The following NPAS2 variants were observed in gnomAD, a reference collection of about 807,000 sequenced individuals.
NPAS2 encodes the protein neuronal PAS domain protein 2.
NPAS2 carries 23 observed loss-of-function variants against 107.5 expected under a neutral mutation model. That is an observed-to-expected ratio of 0.21 (90% CI 0.15 to 0.30). NPAS2 has a LOEUF of 0.30. Ranked by LOEUF, NPAS2 falls within the 10% of genes least tolerant of loss-of-function variation. The pLI is 1.00. For synonymous variants in NPAS2, 403 were observed against 417.5 expected, an observed-to-expected ratio of 0.97 and a Z score of 0.42; for missense variants, 756 against 1,043.3, an observed-to-expected ratio of 0.72 and a Z score of 3.79.
At chr2:100,900,855 TTCCCC>T (rs1231660918) in intron 1 of NPAS2, among the ~76,000 whole-genome samples, 2 of 152,126 alleles carry the variant, frequency 1.3e-5, no homozygotes, top group Non-Finnish European at 1.5e-5. Context: ...TTCTTTTCTT[TTCCCC>T]TCCCCTCCCC....
chr2:100,859,120 C>T (rs1678773856), intron 1 of NPAS2, among the ~76,000 whole-genome samples: 1 of 152,264 alleles, frequency 6.6e-6, no homozygotes, highest in South Asian at 2.1e-4. Context: ...CAAAATTAGC[C>T]GGGCATGGTA....
At chr2:100,886,879 C>T (rs1680732405) in intron 1 of NPAS2, among the ~76,000 whole-genome samples, 1 of 152,156 alleles carries the variant, frequency 6.6e-6, no homozygotes, top group Admixed American at 6.5e-5. Context: ...CAGACAAGGT[C>T]GTTTCCTGGA....
intron 1 of NPAS2, among the ~76,000 whole-genome samples, chr2:100,841,860 C>CTGT: frequency 6.6e-6 from 1 of 152,236 alleles, no homozygotes; most frequent in East Asian, 1.9e-4. Context: ...ACAGCGTATA[C>CTGT]ACATGCACAT....
chr2:100,952,190 T>C (rs1220896576), intron 7 of NPAS2, among the ~76,000 whole-genome samples: 1 of 147,870 alleles, frequency 6.8e-6, no homozygotes, highest in Admixed American at 6.8e-5. Context: ...TTGGCCATAA[T>C]GGCAGCTACT....
At chr2:100,936,410 G>A (rs182970489) in intron 4 of NPAS2, among the ~76,000 whole-genome samples, 1 of 152,278 alleles carries the variant, frequency 6.6e-6, no homozygotes, top group Non-Finnish European at 1.5e-5. Flanking sequence ...CAGATTCGGG[G>A]AAGATAGTCA....
intron 1 of NPAS2, among the ~76,000 whole-genome samples, chr2:100,848,665 A>G (rs10211591): frequency 5.5e-4 from 84 of 152,334 alleles, no homozygotes; most frequent in African/African-American, 1.9e-3. Flanking sequence ...GTTTGAGAGC[A>G]TTACTTGCAC....
intron 1 of NPAS2, among the ~76,000 whole-genome samples, chr2:100,890,217 A>C (rs1680962655): frequency 6.6e-6 from 1 of 152,178 alleles, no homozygotes; most frequent in Non-Finnish European, 1.5e-5. Context: ...TCTGCAAGGC[A>C]TGTTGGTCCC....
intron 3 of NPAS2, among the ~76,000 whole-genome samples, chr2:100,926,483 A>G (rs1341011792): frequency 6.6e-6 from 1 of 152,148 alleles, no homozygotes; most frequent in Admixed American, 6.6e-5. Context: ...TAATCTCCCT[A>G]GTGGGTATGA....
intron 5 of NPAS2, 88 bp from the exon 6 acceptor site, chr2:100,948,147 G>A: frequency 6.9e-7 from 1 of 1,440,182 alleles, no homozygotes; most frequent in East Asian, 2.3e-5. Context: ...AACCAGTTCT[G>A]CGTTGTTGTG....
chr2:100,865,689 G>C (rs1679207937), intron 1 of NPAS2, among the ~76,000 whole-genome samples: 1 of 152,130 alleles, frequency 6.6e-6, no homozygotes, highest in Admixed American at 6.5e-5. Context: ...AGTGCCTGGT[G>C]TTACTGACTG....
At position 100,968,372 on chromosome 2, in the gene NPAS2, C is replaced by G; in HGVS notation, c.999C>G (p.Thr333=). 6.2e-7 allele frequency: 1 copy of G among 1,614,116 alleles called. No homozygotes were observed. Among genetic ancestry groups the G allele is most frequent in the Non-Finnish European group, 8.5e-7 (1 of 1,180,004 alleles). Residue 333 remains threonine (T), a synonymous_variant, in exon 11 of 21, where the codon ACC becomes ACG. Transcript: ENST00000335681. This position sits in a 1 kb window ranked among gnomAD's most constrained non-coding sequence, Gnocchi z 5.3. Reference sequence around the variant, plus strand: ...GGCTGCAGACTCACTACTACATCACCTACCATCAGTGGAACTCCAAGCCCG... The same window carrying G: ...GGCTGCAGACTCACTACTACATCACGTACCATCAGTGGAACTCCAAGCCCG... The part of the protein sequence containing the change: ...WIWLQTHYYI[T]YHQWNSKPEF...
At chr2:100,900,020 A>T (rs761940776) in intron 1 of NPAS2, among the ~76,000 whole-genome samples, 1 of 152,212 alleles carries the variant, frequency 6.6e-6, no homozygotes, top group East Asian at 1.9e-4. Flanking sequence ...AAAACATAGG[A>T]TAATTCTTCA....
chr2:100,819,206 T>G (rs1675899926), upstream of NPAS2, among the ~76,000 whole-genome samples: 1 of 150,946 alleles, frequency 6.6e-6, no homozygotes, highest in African/African-American at 2.4e-5. This position sits in a 1 kb window ranked among gnomAD's most constrained non-coding sequence, Gnocchi z 5.8. Flanking sequence ...GTGGAACATT[T>G]CCTGCACTGG....
intron 1 of NPAS2, among the ~76,000 whole-genome samples, chr2:100,841,720 T>C (rs1048397745): frequency 6.6e-6 from 1 of 152,082 alleles, no homozygotes; most frequent in Non-Finnish European, 1.5e-5. Flanking sequence ...TATACAAACA[T>C]GCATATACAC....
chr2:100,964,515 T>A (rs1188468648), intron 8 of NPAS2, among the ~76,000 whole-genome samples: 2 of 152,224 alleles, frequency 1.3e-5, no homozygotes, highest in Non-Finnish European at 2.9e-5. Flanking sequence ...TTGTCTGCCT[T>A]CTCTCATCTG....
At chr2:100,875,188 G>A (rs1238286393) in intron 1 of NPAS2, among the ~76,000 whole-genome samples, 1 of 152,120 alleles carries the variant, frequency 6.6e-6, no homozygotes, top group African/African-American at 2.4e-5. Context: ...GTCACAGAAG[G>A]ACAAATGCTG....
intron 7 of NPAS2, among the ~76,000 whole-genome samples, chr2:100,957,338 C>T (rs756475396): frequency 6.6e-6 from 1 of 152,220 alleles, no homozygotes; most frequent in Non-Finnish European, 1.5e-5. Flanking sequence ...CTGGACCTGG[C>T]CAGCCAGCAG....
intron 1 of NPAS2, among the ~76,000 whole-genome samples, chr2:100,851,657 C>T (rs895221438): frequency 2.6e-5 from 4 of 152,218 alleles, no homozygotes; most frequent in African/African-American, 2.4e-5. Context: ...GAGTGACATG[C>T]GGAAATGCAT....
Position 100,925,270 on chromosome 2 carries a change from A to G in NPAS2, c.157A>G (p.Ile53Val), listed in dbSNP as rs1683485781. ...CAAAACCACCGTGTTGGAAAAGGTC[A>G]TCGGATTTTTGCAGAAACACAATGG... ...MDKTTVLEKV[I>V]GFLQKHNEVS... The change falls in exon 3 of 21, where the codon ATC (isoleucine) becomes GTC (valine). Residue 53 changes from isoleucine to valine, a missense_variant. Coordinates refer to ENST00000335681, the MANE Select transcript of NPAS2 (RefSeq NM_002518.4). The G allele has an allele frequency of 1.2e-6, 2 of 1,614,012 alleles. No individual in the cohort carries two copies. Among genetic ancestry groups the G allele is most frequent in the African/African-American group, 1.3e-5 (1 of 74,930 alleles).
Sources: gnomAD v4.1 joint callset for allele counts (sites outside exome capture counted in the v4.1 genomes callset) on GRCh38, gnomAD v4.1.1 for gene constraint, Gnocchi (gnomAD v3.1) non-coding constraint, MANE v1.5 for transcripts, NCBI Gene and HGNC (gene_info 2026-07-23, HGNC 2026-07-21) for gene names.